CDHR4: variants seen among roughly 807,000 people sequenced by gnomAD.
The protein encoded by CDHR4 is cadherin-related family member 4.
A neutral mutation model predicts 88.4 loss-of-function variants in CDHR4; 89 were observed. That is an observed-to-expected ratio of 1.01 (90% confidence interval 0.85 to 1.20). The LOEUF is 1.20. CDHR4 is among the 50% of genes most tolerant of loss of function. CDHR4 has a pLI of 0.00. For missense variants in CDHR4, 914 were observed against 1,007.2 expected (o/e 0.91, Z 1.25); for synonymous variants, 368 against 399.2 (o/e 0.92, Z 0.93).
chr3:49,793,734 G>T lies in CDHR4; in HGVS notation c.1484-12C>A. ...GAGGTGAACTTCCCCTAGAGGGGGA[G>T]ACCACAGCTTCAGCCTGCAGGGCCA... On this transcript the variant is annotated splice_polypyrimidine_tract_variant and intron_variant, in intron 11 of 18. Coordinates refer to ENST00000412678, the MANE Select transcript of CDHR4 (RefSeq NM_001007540.4). 6.4e-7 allele frequency: 1 copy of T among 1,551,690 alleles called. No homozygotes were observed. The highest frequency in any genetic ancestry group is 8.7e-7 in the Non-Finnish European group (1 of 1,146,942).
At position 49,795,880 on chromosome 3, in the gene CDHR4, C is replaced by A; in HGVS notation, c.710+63G>T. 6.6e-7 allele frequency: 1 copy of A among 1,516,430 alleles called. No individual in the cohort carries two copies. Among genetic ancestry groups the A allele is most frequent in the Non-Finnish European group, 8.9e-7 (1 of 1,127,140 alleles). The allele number at this position is 1,516,430 out of a possible 1,614,324, so 93.9% of individuals were successfully genotyped here. On this transcript the variant is annotated intron_variant, in intron 6 of 18. Transcript: ENST00000412678. The surrounding 1 kb of genome is among the most constrained non-coding windows in gnomAD (Gnocchi z 5.4). Reference sequence around the variant, plus strand: ...TGGGACTCAGCTCCAGCAGCCTCACCCTACCTGATTCCCTGGGGCTAGGCC... The same window carrying A: ...TGGGACTCAGCTCCAGCAGCCTCACACTACCTGATTCCCTGGGGCTAGGCC...
chr3:49,791,393 T>C, intron 18 of CDHR4, 48 bp downstream of exon 18: 1 of 1,518,786 alleles, frequency 6.6e-7, no homozygotes, highest in Non-Finnish European at 8.8e-7. Flanking sequence ...GATACTCAGA[T>C]GGGGTGAGGG....
chr3:49,791,644 C>T, intron 17 of CDHR4, 70 bp downstream of exon 17: 1 of 1,520,956 alleles, frequency 6.6e-7, no homozygotes, highest in Non-Finnish European at 8.9e-7. Flanking sequence ...GGAAAAAAGG[C>T]TTGGAGGGGG....
chr3:49,800,515 T>C (rs1187016804), upstream of CDHR4, among the ~76,000 whole-genome samples: 1 of 150,156 alleles, frequency 6.7e-6, no homozygotes, highest in East Asian at 2.0e-4. Flanking sequence ...CAAGACCCTG[T>C]CTCAAAAAAA....
upstream of CDHR4, among the ~76,000 whole-genome samples, chr3:49,802,123 T>C (rs944265223): frequency 1.4e-5 from 2 of 147,268 alleles, no homozygotes; most frequent in African/African-American, 5.2e-5. Context: ...AATGTTCTTC[T>C]TCTCCTTCTT....
At position 49,799,306 on chromosome 3, in the gene CDHR4, G is replaced by T; in HGVS notation, c.181C>A (p.Pro61Thr). ...CTGGGTGGGTTGAAGAAGGTGGTGGGTGGCTGGACATTGAGCAACTCCAGG... is the reference window on the plus strand; with the variant it reads ...CTGGGTGGGTTGAAGAAGGTGGTGGTTGGCTGGACATTGAGCAACTCCAGG... The part of the protein sequence containing the change: ...PTLELLNVQP[P>T]TTFFNPPSLA... Residue 61 changes from proline (P) to threonine (T), a missense_variant, in exon 2 of 19, where the codon CCC becomes ACC. Coordinates refer to ENST00000412678, the MANE Select transcript of CDHR4 (RefSeq NM_001007540.4). The T allele has an allele frequency of 6.2e-7, 1 of 1,613,960 alleles. No homozygotes were observed. Among genetic ancestry groups the T allele is most frequent in the South Asian group, 1.1e-5 (1 of 91,064 alleles).
At chr3:49,794,736 G>A in intron 9 of CDHR4, 35 bp from the exon 10 acceptor site, 2 of 1,527,710 alleles carry the variant, frequency 1.3e-6, no homozygotes, top group Non-Finnish European at 1.8e-6. Context: ...GGTCCAGCCA[G>A]GGCCTGAGAG....
rs1404097036 is a variant in CDHR4 at position 49,796,890 on chromosome 3, A to G, written c.606+32T>C. 4.6e-6 allele frequency: 7 copies of G among 1,529,124 alleles called. No individual in the cohort carries two copies. The African/African-American group carries it at 6.9e-5, about 15-fold the overall frequency. 94.7% of individuals were successfully genotyped at this position (1,529,124 alleles called of 1,614,324 possible). On this transcript the variant is annotated intron_variant, in intron 5 of 18. Transcript: ENST00000412678. ...AAAAGGTAGGCACTCTACCCAATCCATAAACACCCTCAGATTCCAGGTCAT... is the reference window on the plus strand; with the variant it reads ...AAAAGGTAGGCACTCTACCCAATCCGTAAACACCCTCAGATTCCAGGTCAT...
intron 4 of CDHR4, among the ~76,000 whole-genome samples, chr3:49,797,357 C>A (rs1208254333): frequency 4.6e-5 from 7 of 151,952 alleles, no homozygotes; most frequent in African/African-American, 2.4e-5. Flanking sequence ...CAGCTCACTG[C>A]AACCTCCACT....
intron 10 of CDHR4, 30 bp from the exon 11 acceptor site, chr3:49,794,036 G>A: frequency 6.5e-7 from 1 of 1,547,096 alleles, no homozygotes; most frequent in Non-Finnish European, 8.7e-7. Flanking sequence ...CAAGGAGCTG[G>A]CCTGGGGTAA....
chr3:49,795,771 C>G lies in CDHR4; in HGVS notation c.711-7G>C. On this transcript the variant is annotated splice_polypyrimidine_tract_variant and splice_region_variant and intron_variant, in intron 6 of 18. Coordinates refer to ENST00000412678, the MANE Select transcript of CDHR4 (RefSeq NM_001007540.4). The surrounding 1 kb of genome is among the most constrained non-coding windows in gnomAD (Gnocchi z 5.4). ...GATATTCTGAGCCTGCTCGCTGGAC[C>G]AAAAGGGGGGCACTGGTTCCTGCCC... The G allele has an allele frequency of 1.3e-6, 2 of 1,551,624 alleles. No homozygotes were observed. The highest frequency in any genetic ancestry group is 1.2e-5 in the South Asian group (1 of 84,050).
Position 49,795,112 on chromosome 3 carries a change from C to A in CDHR4, c.1032-12G>T. ...CCGGGATTTGGGACCTGAGAGTATG[C>A]AGTGGCAGCAAGGCAGGAGTCTGGC... On this transcript the variant is annotated splice_polypyrimidine_tract_variant and intron_variant, in intron 8 of 18. Coordinates refer to ENST00000412678, the MANE Select transcript of CDHR4 (RefSeq NM_001007540.4). This position sits in a 1 kb window ranked among gnomAD's most constrained non-coding sequence, Gnocchi z 5.4. 6.4e-7 allele frequency: 1 copy of A among 1,551,590 alleles called. No individual in the cohort carries two copies.
Position 49,793,948 on chromosome 3 carries a change from G to A in CDHR4, c.1338C>T (p.Ala446=). 1 of 1,551,784 alleles carries A rather than the reference G, an allele frequency of 6.4e-7. No homozygotes were observed. The change falls in exon 11 of 19, where the codon GCC becomes GCT. Residue 446 remains alanine, a synonymous_variant. Coordinates refer to ENST00000412678, the MANE Select transcript of CDHR4 (RefSeq NM_001007540.4). The stretch of plus-strand genomic sequence containing the variant: ...CCTCCTGAACCCGGAACGTGCGAGG[G>A]GCACAGGCTGGGGAGAACTCGTTGA... The part of the protein sequence containing the change: ...TPINEFSPAC[A]PRTFRVQEDA...
In CDHR4 at chr3:49,794,656, G is replaced by C. The variant is rs1337584505; in HGVS notation, c.1231C>G (p.His411Asp). 2 of 1,551,318 alleles carry C rather than the reference G, an allele frequency of 1.3e-6. No homozygotes were observed. Among genetic ancestry groups the C allele is most frequent in the African/African-American group, 2.7e-5 (2 of 73,044 alleles). ...TCGAGCACCAGGATGGAGGCTGCAT[G>C]CTGGAAGCAGGCTCCAGGAGTGTCA... ...DCDTPGACFQ[H>D]AASILVLDGG... Residue 411 changes from histidine to aspartate, a missense_variant, in exon 10 of 19, where the codon CAT becomes GAT. By Grantham distance (81) the His-to-Asp change is moderately conservative (BLOSUM62 -1). Transcript: ENST00000412678.
chr3:49,798,784 C>G (rs1309316791), intron 4 of CDHR4, 42 bp downstream of exon 4: 1 of 1,584,236 alleles, frequency 6.3e-7, no homozygotes, highest in Non-Finnish European at 8.6e-7. Flanking sequence ...TCCATCCCCC[C>G]ACCCCCATCC....
rs182304224 is a variant in CDHR4, at chr3:49,791,650, G to A, written c.2283+64C>T. 925 of 1,524,844 alleles carry A rather than the reference G, an allele frequency of 6.1e-4. 10 individuals are homozygous for A. The South Asian group carries it at 9.2e-3, about 15-fold the overall frequency. 94.5% of individuals were successfully genotyped at this position (1,524,844 alleles called of 1,614,324 possible). A position where few individuals can be genotyped will look rare whatever the true frequency, so the allele number is the denominator to read the frequency against. ...AGGGGCATGGGAAAAAAGGCTTGGA[G>A]GGGGCAGGGGAGTACTCTGAAGCAC... is the stretch of plus-strand genomic sequence containing the variant. On this transcript the variant is annotated intron_variant, in intron 17 of 18. Transcript: ENST00000412678.
At chr3:49,798,424 C>G (rs1159946274) in intron 4 of CDHR4, 1 of 199,718 alleles carries the variant, frequency 5.0e-6, no homozygotes, top group African/African-American at 2.3e-5. Context: ...GTCTCCACTA[C>G]AAAATACAAA....
chr3:49,792,953 T>C lies in CDHR4; in HGVS notation c.1896A>G (p.Ala632=). The C allele has an allele frequency of 6.4e-7, 1 of 1,551,596 alleles. No homozygotes were observed. Among genetic ancestry groups the C allele is most frequent in the South Asian group, 1.2e-5 (1 of 84,056 alleles). ...TGCTGAGGTGGGGGGTGGAGGGGCC[T>C]GCATCGGCCACACAGATCAGTAGCT... ...TYELLICVAD[A]GPSTPHLSTT... is the part of the protein sequence containing the mutation. The change falls in exon 14 of 19, where the codon GCA becomes GCG. Residue 632 remains alanine, a synonymous_variant. Coordinates refer to ENST00000412678, the MANE Select transcript of CDHR4 (RefSeq NM_001007540.4).
chr3:49,800,431 T>C (rs115835193), upstream of CDHR4, among the ~76,000 whole-genome samples: 1,050 of 152,026 alleles, frequency 6.9e-3, 17 homozygotes, highest in South Asian at 0.041. Flanking sequence ...GGTAGGAGGA[T>C]TGCTTGAACC....
Sources: allele counts gnomAD v4.1 joint callset (sites outside exome capture counted in the v4.1 genomes callset), GRCh38; gene constraint gnomAD v4.1.1; non-coding constraint Gnocchi (gnomAD v3.1); transcripts MANE v1.5; gene names NCBI Gene and HGNC (gene_info 2026-07-23, HGNC 2026-07-21).